RBFOX1: variants seen among roughly 807,000 people sequenced by gnomAD.
RBFOX1 encodes RNA binding protein fox-1 homolog 1.
In RBFOX1, 8 loss-of-function variants were observed where a neutral mutation model predicts 57.7. The observed-to-expected ratio is 0.14, with a 90% CI of 0.08 to 0.25. The LOEUF (loss-of-function observed/expected upper bound fraction) is 0.25, where lower values mean the gene tolerates loss of function less well. RBFOX1 is among the 10% of genes least tolerant of loss of function. The probability of loss-of-function intolerance (pLI) is 1.00; values close to 1 mark genes in which losing one functional copy is unlikely to be tolerated. For synonymous variants in RBFOX1, 326 were observed against 222.4 expected, an observed-to-expected ratio of 1.47 and a Z score of -4.15; for missense variants, 611 against 548.5, an observed-to-expected ratio of 1.11 and a Z score of -1.14.
chr16:6,808,052 C>T (rs1014201092), intron 3 of RBFOX1, among the ~76,000 whole-genome samples: 3 of 149,268 alleles, frequency 2.0e-5, no homozygotes, highest in African/African-American at 4.9e-5. Flanking sequence ...ATATACTATC[C>T]TATACAATAG....
At chr16:7,287,530 G>A (rs1251853405) in intron 4 of RBFOX1, among the ~76,000 whole-genome samples, 1 of 152,180 alleles carries the variant, frequency 6.6e-6, no homozygotes, top group Non-Finnish European at 1.5e-5. Context: ...CTGACCTGGG[G>A]TATAATAGGC....
intron 2 of RBFOX1, among the ~76,000 whole-genome samples, chr16:5,562,149 C>T (rs983972814): frequency 6.6e-6 from 1 of 152,166 alleles, no homozygotes; most frequent in Non-Finnish European, 1.5e-5. Flanking sequence ...AATGACCTCT[C>T]ATCATTCAGG....
chr16:5,239,916 C>A (rs1337176793), exon 1 of RBFOX1: 3 of 1,510,624 alleles, frequency 2.0e-6, no homozygotes, highest in Non-Finnish European at 2.7e-6. Flanking sequence ...GCTCCGAAGC[C>A]ACTGGCAAGC....
intron 1 of RBFOX1, among the ~76,000 whole-genome samples, chr16:6,305,163 C>T (rs1345570363): frequency 6.6e-6 from 1 of 152,192 alleles, no homozygotes; most frequent in Non-Finnish European, 1.5e-5. Flanking sequence ...TAGTCATAAG[C>T]ATGTGATGTC....
chr16:6,509,120 G>C (rs962463386), intron 2 of RBFOX1, among the ~76,000 whole-genome samples: 1 of 152,116 alleles, frequency 6.6e-6, no homozygotes, highest in African/African-American at 2.4e-5. Flanking sequence ...ATTTTGTTGT[G>C]CTTTCTTTTG....
At chr16:7,684,395 C>A (rs936025548) in intron 14 of RBFOX1, among the ~76,000 whole-genome samples, 1 of 152,024 alleles carries the variant, frequency 6.6e-6, no homozygotes, top group East Asian at 1.9e-4. Flanking sequence ...GAAGGAGTAA[C>A]TAGTCACTTT....
chr16:6,662,262 A>G (rs139518940), intron 3 of RBFOX1, among the ~76,000 whole-genome samples: 5 of 152,188 alleles, frequency 3.3e-5, no homozygotes, highest in African/African-American at 1.2e-4. Flanking sequence ...AAATGCGGTA[A>G]GAGAGTAGAT....
intron 4 of RBFOX1, among the ~76,000 whole-genome samples, chr16:7,159,236 A>G (rs892782799): frequency 2.0e-5 from 3 of 152,068 alleles, no homozygotes; most frequent in Non-Finnish European, 2.9e-5. Context: ...TATGGTGTCA[A>G]TCTACCACCC....
intron 3 of RBFOX1, among the ~76,000 whole-genome samples, chr16:5,626,835 A>T (rs1314818164): frequency 6.6e-6 from 1 of 150,954 alleles, no homozygotes; most frequent in African/African-American, 2.5e-5. Context: ...CATTTGAGCA[A>T]TCGTTTTATC....
chr16:6,405,270 C>T (rs1011754572), intron 2 of RBFOX1, among the ~76,000 whole-genome samples: 2 of 152,098 alleles, frequency 1.3e-5, no homozygotes, highest in African/African-American at 4.8e-5. Context: ...GCTGCAAATC[C>T]TCTGGAGAAT....
At chr16:6,502,266 G>A (rs811919) in intron 2 of RBFOX1, among the ~76,000 whole-genome samples, 1 of 151,846 alleles carries the variant, frequency 6.6e-6, no homozygotes, top group Non-Finnish European at 1.5e-5. Context: ...AGTGGCCCCA[G>A]AGAAAGTTGA....
chr16:5,934,686 A>G lies in RBFOX1; in HGVS notation c.351+67351A>G, dbSNP rs190752411. On this transcript the variant is annotated intron_variant, in intron 4 of 19. Transcript: ENST00000641259. ...GATGTGATTACTACACGTTATATTTATGGAAATATCAGGATGTGCCCCATA... is the reference window on the plus strand; with the variant it reads ...GATGTGATTACTACACGTTATATTTGTGGAAATATCAGGATGTGCCCCATA... Among the ~76,000 whole-genome samples, 6 of 152,360 alleles carry G rather than the reference A, an allele frequency of 3.9e-5. No individual in the cohort carries two copies. In the East Asian group the frequency reaches 9.6e-4, roughly 24 times the overall value.
chr16:5,301,717 G>C (rs2063812624), intron 1 of RBFOX1, among the ~76,000 whole-genome samples: 1 of 151,578 alleles, frequency 6.6e-6, no homozygotes, highest in Admixed American at 6.6e-5. Flanking sequence ...TGCCACCCTG[G>C]CTGACAGCTT....
At chr16:6,892,529 G>T (rs972935443) in intron 3 of RBFOX1, among the ~76,000 whole-genome samples, 2 of 152,044 alleles carry the variant, frequency 1.3e-5, no homozygotes, top group Non-Finnish European at 2.9e-5. Context: ...AATTAGCTGC[G>T]CATGGTGGCA....
chr16:6,281,158 G>C (rs1432749865), intron 1 of RBFOX1, among the ~76,000 whole-genome samples: 1 of 152,054 alleles, frequency 6.6e-6, no homozygotes, highest in Admixed American at 6.5e-5. Context: ...GGTGGGGGAT[G>C]TTAGTAATGA....
intron 1 of RBFOX1, among the ~76,000 whole-genome samples, chr16:6,145,880 C>G (rs2096754114): frequency 6.6e-6 from 1 of 152,190 alleles, no homozygotes; most frequent in Admixed American, 6.5e-5. Context: ...ACAAGACTCT[C>G]TCACTCCTGG....
intron 3 of RBFOX1, among the ~76,000 whole-genome samples, chr16:5,731,685 C>G (rs2052379149): frequency 6.6e-6 from 1 of 152,084 alleles, no homozygotes; most frequent in African/African-American, 2.4e-5. Flanking sequence ...AGAAATCCCC[C>G]CTGGATGTCC....
chr16:7,265,505 G>A (rs1272614287), intron 4 of RBFOX1, among the ~76,000 whole-genome samples: 1 of 152,090 alleles, frequency 6.6e-6, no homozygotes, highest in Non-Finnish European at 1.5e-5. Flanking sequence ...CTGGAGTGCA[G>A]TGGCACGATC....
chr16:6,229,934 A>T (rs968567962), intron 1 of RBFOX1, among the ~76,000 whole-genome samples: 2 of 152,140 alleles, frequency 1.3e-5, no homozygotes, highest in African/African-American at 4.8e-5. Flanking sequence ...CTCATCCCTT[A>T]TTTTAAAGGA....
Sources: allele counts gnomAD v4.1 joint callset (sites outside exome capture counted in the v4.1 genomes callset), GRCh38; gene constraint gnomAD v4.1.1; transcripts MANE v1.5; gene names NCBI Gene and HGNC (gene_info 2026-07-23, HGNC 2026-07-21).